NTNG1: variants seen among roughly 807,000 people sequenced by gnomAD.
The protein encoded by NTNG1 is netrin-G1.
NTNG1 carries 16 observed loss-of-function variants against 54.0 expected under a neutral mutation model. That is an observed-to-expected ratio of 0.30 (90% CI 0.20 to 0.45). The LOEUF is 0.45. Ranked by LOEUF, NTNG1 falls within the 20% of genes least tolerant of loss-of-function variation. The probability of loss-of-function intolerance (pLI) is 1.00; values close to 1 mark genes in which losing one functional copy is unlikely to be tolerated. For synonymous variants in NTNG1, 255 were observed against 263.1 expected (o/e 0.97, Z 0.30); for missense variants, 530 against 678.7 (o/e 0.78, Z 2.43).
In NTNG1 at chr1:107,421,083, G is replaced by A. The variant is rs1231423032; in HGVS notation, c.1088-9667G>A. 2.5e-6 allele frequency: 4 copies of A among 1,606,142 alleles called. No homozygotes were observed. In the African/African-American group the frequency reaches 4.0e-5, roughly 16 times the overall value. ...CTGTTCATTCTTTTAAACCTATCCA[G>A]TTGCTCCCAAATTAGCTTTGTCAAC... On this transcript the variant is annotated intron_variant, in intron 5 of 7. Transcript: ENST00000370068.
chr1:107,433,390 T>TA (rs953138829), intron 6 of NTNG1, among the ~76,000 whole-genome samples: 2 of 151,890 alleles, frequency 1.3e-5, no homozygotes, highest in African/African-American at 4.8e-5. Context: ...CTGAAAGAGA[T>TA]AAAAAATTAG....
chr1:107,305,612 G>A (rs1359965146), intron 2 of NTNG1, among the ~76,000 whole-genome samples: 2 of 151,826 alleles, frequency 1.3e-5, no homozygotes, highest in African/African-American at 2.4e-5. Context: ...ATTTGTTTAA[G>A]TTCTTTGTAA....
intron 2 of NTNG1, among the ~76,000 whole-genome samples, chr1:107,255,285 A>G (rs1397792959): frequency 6.6e-6 from 1 of 152,204 alleles, no homozygotes; most frequent in Non-Finnish European, 1.5e-5. Flanking sequence ...TAAACATCGT[A>G]ACCATCATGT....
At chr1:107,274,736 T>A (rs1664355399) in intron 2 of NTNG1, among the ~76,000 whole-genome samples, 1 of 152,172 alleles carries the variant, frequency 6.6e-6, no homozygotes, top group Non-Finnish European at 1.5e-5. Flanking sequence ...ACAGACAGAT[T>A]GTAGAGGGTT....
At chr1:107,265,915 G>GA (rs1450256326) in intron 2 of NTNG1, among the ~76,000 whole-genome samples, 3 of 152,124 alleles carry the variant, frequency 2.0e-5, no homozygotes, top group African/African-American at 7.2e-5. Flanking sequence ...CAATGTATTT[G>GA]AAAAGCACAT....
intron 3 of NTNG1, among the ~76,000 whole-genome samples, chr1:107,333,034 A>G (rs930459095): frequency 1.3e-5 from 2 of 152,168 alleles, no homozygotes; most frequent in South Asian, 2.1e-4. Context: ...TATGTGAAAC[A>G]GGAGCCTCAC....
At chr1:107,335,555 G>A (rs541853693) in intron 3 of NTNG1, among the ~76,000 whole-genome samples, 30 of 151,906 alleles carry the variant, frequency 2.0e-4, no homozygotes, top group Admixed American at 1.1e-3. Flanking sequence ...TATTAATAGC[G>A]TGAGGCTAAT....
intron 2 of NTNG1, among the ~76,000 whole-genome samples, chr1:107,274,157 C>T (rs575941126): frequency 2.0e-5 from 3 of 152,272 alleles, no homozygotes; most frequent in South Asian, 4.1e-4. Flanking sequence ...TAGGGAGTAA[C>T]TTTCACAAGT....
chr1:107,428,182 A>G (rs1261013382), intron 5 of NTNG1, among the ~76,000 whole-genome samples: 1 of 152,042 alleles, frequency 6.6e-6, no homozygotes, highest in Admixed American at 6.6e-5. Context: ...TCTTTACTCT[A>G]TTACTTTCAC....
chr1:107,311,812 CA>C, intron 2 of NTNG1, among the ~76,000 whole-genome samples: 1 of 151,988 alleles, frequency 6.6e-6, no homozygotes, highest in African/African-American at 2.4e-5. Flanking sequence ...CAAAAAAAAT[CA>C]CAATTTTATA....
intron 3 of NTNG1, among the ~76,000 whole-genome samples, chr1:107,327,312 C>A (rs1373573846): frequency 6.6e-6 from 1 of 152,076 alleles, no homozygotes; most frequent in Non-Finnish European, 1.5e-5. Flanking sequence ...GGCGTGTCTC[C>A]AGCTTTTAAG....
chr1:107,218,267 C>T lies in NTNG1; in HGVS notation c.246+69428C>T, dbSNP rs376768788. 3.3e-5 allele frequency among the ~76,000 whole-genome samples: 5 copies of T among 152,220 alleles called. No homozygotes were observed. In the South Asian group the frequency reaches 1.0e-3, roughly 32 times the overall value. On this transcript the variant is annotated intron_variant, in intron 2 of 7. Transcript: ENST00000370068. ...TTTGTTTTGTTTGATATAAGAATAG[C>T]TACTCCTGGTGGATTTTGGTGTCCA... is the stretch of plus-strand genomic sequence containing the variant.
chr1:107,441,026 A>C (rs895625617), intron 7 of NTNG1, among the ~76,000 whole-genome samples: 1 of 144,352 alleles, frequency 6.9e-6, no homozygotes, highest in Non-Finnish European at 1.5e-5. Flanking sequence ...AAAATGAGAC[A>C]TTGGAAAGAA....
chr1:107,234,248 G>A (rs1273054703), intron 2 of NTNG1, among the ~76,000 whole-genome samples: 3 of 151,958 alleles, frequency 2.0e-5, no homozygotes, highest in East Asian at 1.9e-4. Context: ...TCAGTCTCCC[G>A]AGTAGCTGGG....
At chr1:107,362,248 G>C (rs1478620493) in intron 3 of NTNG1, among the ~76,000 whole-genome samples, 2 of 152,106 alleles carry the variant, frequency 1.3e-5, no homozygotes, top group South Asian at 4.1e-4. Flanking sequence ...TAAAAGAGAC[G>C]GTTACACCTT....
chr1:107,401,174 C>T (rs773935847), intron 4 of NTNG1, among the ~76,000 whole-genome samples: 3 of 152,252 alleles, frequency 2.0e-5, no homozygotes, highest in East Asian at 1.9e-4. Flanking sequence ...CATGGCCAAT[C>T]GAACCATCTA....
At chr1:107,350,846 G>A (rs1335272981) in intron 3 of NTNG1, among the ~76,000 whole-genome samples, 3 of 152,296 alleles carry the variant, frequency 2.0e-5, no homozygotes, top group Non-Finnish European at 4.4e-5. Context: ...GGGAGGTGGA[G>A]AAAGTGGGAA....
At chr1:107,376,015 A>C (rs1385532589) in intron 3 of NTNG1, among the ~76,000 whole-genome samples, 1 of 152,260 alleles carries the variant, frequency 6.6e-6, no homozygotes, top group Non-Finnish European at 1.5e-5. Context: ...AGAAAACAAT[A>C]ATAGTAATGA....
chr1:107,238,340 C>T (rs551509975), intron 2 of NTNG1, among the ~76,000 whole-genome samples: 1 of 152,300 alleles, frequency 6.6e-6, no homozygotes, highest in Admixed American at 6.5e-5. Context: ...AAGTAACTAA[C>T]TTGCTTTTGA....
Sources: gnomAD v4.1 joint callset for allele counts (sites outside exome capture counted in the v4.1 genomes callset) on GRCh38, gnomAD v4.1.1 for gene constraint, MANE v1.5 for transcripts, NCBI Gene and HGNC (gene_info 2026-07-23, HGNC 2026-07-21) for gene names.